The following PTPRR variants were observed in gnomAD, a reference collection of about 807,000 sequenced individuals.
PTPRR encodes protein tyrosine phosphatase receptor type R.
A neutral mutation model predicts 77.2 loss-of-function variants in PTPRR; 38 were observed. The observed-to-expected ratio is 0.49, with a 90% confidence interval of 0.38 to 0.65. PTPRR has a LOEUF of 0.65. Among genes scored for constraint, PTPRR ranks in the 30% least tolerant of loss-of-function variants. The pLI is 0.00. For missense variants in PTPRR, 744 were observed against 799.2 expected, an observed-to-expected ratio of 0.93 and a Z score of 0.83; for synonymous variants, 299 against 283.1, an observed-to-expected ratio of 1.06 and a Z score of -0.57.
At chr12:70,748,380 TGA>T (rs1890278979) in intron 5 of PTPRR, among the ~76,000 whole-genome samples, 1 of 152,170 alleles carries the variant, frequency 6.6e-6, no homozygotes, top group South Asian at 2.1e-4. Flanking sequence ...CTGCACAGAT[TGA>T]GATCTGGAAT....
chr12:70,916,050 A>AT (rs1451367890), intron 1 of PTPRR, among the ~76,000 whole-genome samples: 1 of 152,220 alleles, frequency 6.6e-6, no homozygotes, highest in Admixed American at 6.5e-5. Flanking sequence ...GGAAACTACA[A>AT]TAAAAAAAGT....
intron 13 of PTPRR, chr12:70,639,542 GGTACAGCC>G: frequency 7.8e-6 from 9 of 1,159,652 alleles, no homozygotes; most frequent in Non-Finnish European, 9.6e-6. Context: ...CTGGGGAGGT[GGTACAGCC>G]TAATGATCAA....
chr12:70,692,018 A>G (rs1391075437), intron 8 of PTPRR, among the ~76,000 whole-genome samples: 1 of 152,224 alleles, frequency 6.6e-6, no homozygotes, highest in Non-Finnish European at 1.5e-5. Context: ...AACATATAGA[A>G]TTATACTATA....
chr12:70,687,900 A>G (rs1312906991), intron 8 of PTPRR, among the ~76,000 whole-genome samples: 2 of 152,180 alleles, frequency 1.3e-5, no homozygotes, highest in Non-Finnish European at 2.9e-5. Flanking sequence ...AATAAGTCCA[A>G]TCTCAGTCTT....
intron 4 of PTPRR, among the ~76,000 whole-genome samples, chr12:70,759,319 C>T (rs538910616): frequency 1.3e-5 from 2 of 152,166 alleles, no homozygotes; most frequent in African/African-American, 4.8e-5. Flanking sequence ...GATCAAATGA[C>T]ATGTCACAAG....
intron 6 of PTPRR, among the ~76,000 whole-genome samples, chr12:70,742,484 T>C (rs1466636606): frequency 6.6e-6 from 1 of 152,080 alleles, no homozygotes; most frequent in Non-Finnish European, 1.5e-5. Flanking sequence ...AATGTCCAAG[T>C]AGCAGGATGA....
intron 6 of PTPRR, among the ~76,000 whole-genome samples, chr12:70,735,348 A>G (rs1026487153): frequency 6.6e-6 from 1 of 152,240 alleles, no homozygotes; most frequent in Non-Finnish European, 1.5e-5. Context: ...CCCCACAATC[A>G]TGGCAGAAGG....
chr12:70,727,481 A>T (rs1235743957), intron 6 of PTPRR, among the ~76,000 whole-genome samples: 1 of 152,242 alleles, frequency 6.6e-6, no homozygotes, highest in African/African-American at 2.4e-5. Flanking sequence ...TTGTTAAAAA[A>T]TTATCAAAGA....
rs532982828 is a variant in PTPRR at position 70,828,267 on chromosome 12, T to C, written c.358-63489A>G. Among the ~76,000 whole-genome samples the C allele has an allele frequency of 7.9e-5, 12 of 152,328 alleles. No individual in the cohort carries two copies. The East Asian group carries it at 2.3e-3, about 29-fold the overall frequency. On this transcript the variant is annotated intron_variant, in intron 2 of 13. Coordinates refer to ENST00000283228, the MANE Select transcript of PTPRR (RefSeq NM_002849.4). ...CAGAAATTTGTCTCCACATTCCTTT[T>C]CTTGCCCTTTGATCTGCTCCTTTGT...
At position 70,836,306 on chromosome 12, in the gene PTPRR, GT is replaced by G. The variant is rs5799004; in HGVS notation, c.357+56372del. 5.8e-4 allele frequency among the ~76,000 whole-genome samples: 82 copies of G among 141,148 alleles called. 1 individual carries two copies. The South Asian group carries it at 8.1e-3, about 14-fold the overall frequency. The allele number at this position is 141,148 out of a possible 152,430, so 92.6% of individuals were successfully genotyped here. ...CTAATGGCAGTATCTCAAGACATGT[GT>G]TTTTTTTTTTTTTCTCGGACTGGTG... On this transcript the variant is annotated intron_variant, in intron 2 of 13. Coordinates refer to ENST00000283228, the MANE Select transcript of PTPRR (RefSeq NM_002849.4).
At chr12:70,709,650 T>A (rs911569977) in intron 6 of PTPRR, among the ~76,000 whole-genome samples, 1 of 151,972 alleles carries the variant, frequency 6.6e-6, no homozygotes, top group Non-Finnish European at 1.5e-5. Flanking sequence ...GGATACAAAA[T>A]CAATGTGCAA....
chr12:70,850,086 G>A (rs1892546855), intron 2 of PTPRR, among the ~76,000 whole-genome samples: 1 of 152,038 alleles, frequency 6.6e-6, no homozygotes, highest in Admixed American at 6.6e-5. Context: ...TTCTGGCTGG[G>A]CATGGTGGCT....
chr12:70,726,790 C>T (rs1323728152), intron 6 of PTPRR, among the ~76,000 whole-genome samples: 1 of 152,026 alleles, frequency 6.6e-6, no homozygotes, highest in African/African-American at 2.4e-5. Context: ...CATGTCTCTG[C>T]TAAAAGGTCT....
chr12:70,786,414 T>C (rs955127792), intron 2 of PTPRR, among the ~76,000 whole-genome samples: 5 of 152,200 alleles, frequency 3.3e-5, no homozygotes, highest in African/African-American at 9.7e-5. Context: ...TACTACTCTT[T>C]TTTAAAAAAA....
chr12:70,644,907 G>GT (rs558813121), intron 13 of PTPRR, among the ~76,000 whole-genome samples: 4 of 152,104 alleles, frequency 2.6e-5, no homozygotes, highest in African/African-American at 9.7e-5. Context: ...TTGAATCCTT[G>GT]TTTTTTTAAC....
intron 4 of PTPRR, among the ~76,000 whole-genome samples, chr12:70,755,844 G>A (rs1322479229): frequency 6.6e-6 from 1 of 152,008 alleles, no homozygotes; most frequent in Admixed American, 6.6e-5. Flanking sequence ...CCTCTTTGAC[G>A]TCAGCCATAT....
At chr12:70,703,559 T>C (rs1888509749) in intron 6 of PTPRR, among the ~76,000 whole-genome samples, 1 of 152,196 alleles carries the variant, frequency 6.6e-6, no homozygotes, top group African/African-American at 2.4e-5. Context: ...AGTGGGAAAG[T>C]AGTTTTTAAA....
intron 9 of PTPRR, 44 bp downstream of exon 9, chr12:70,684,660 C>A: frequency 7.6e-7 from 1 of 1,318,326 alleles, no homozygotes; most frequent in South Asian, 1.3e-5. Flanking sequence ...CCAACAATTC[C>A]AAATAGGAAG....
chr12:70,813,534 G>A (rs1430748118), intron 2 of PTPRR, among the ~76,000 whole-genome samples: 1 of 152,284 alleles, frequency 6.6e-6, no homozygotes. Context: ...CCACTTGCAG[G>A]TGTCAAAGAG....
Sources: allele counts gnomAD v4.1 joint callset (sites outside exome capture counted in the v4.1 genomes callset), GRCh38; gene constraint gnomAD v4.1.1; transcripts MANE v1.5; gene names NCBI Gene and HGNC (gene_info 2026-07-23, HGNC 2026-07-21).